ERBB4: variants seen among roughly 807,000 people sequenced by gnomAD.
ERBB4 encodes erb-b2 receptor tyrosine kinase 4.
A neutral mutation model predicts 158.0 loss-of-function variants in ERBB4; 42 were observed. The ratio of observed to expected loss-of-function variants is 0.27; its 90% CI spans 0.21 to 0.34. The LOEUF (loss-of-function observed/expected upper bound fraction) is 0.34, where lower values mean the gene tolerates loss of function less well. Among genes scored for constraint, ERBB4 ranks in the 10% least tolerant of loss-of-function variants. The pLI is 1.00. For missense variants in ERBB4, 1,333 were observed against 1,624.1 expected (o/e 0.82, Z 3.08); for synonymous variants, 583 against 558.7 (o/e 1.04, Z -0.61).
At chr2:211,413,402 G>T (rs1380340145) in intron 25 of ERBB4, among the ~76,000 whole-genome samples, 1 of 147,980 alleles carries the variant, frequency 6.8e-6, no homozygotes, top group Non-Finnish European at 1.5e-5. Flanking sequence ...CTTGTCATAG[G>T]GAGGATCTTA....
chr2:212,018,445 A>G (rs1450445225), intron 2 of ERBB4, among the ~76,000 whole-genome samples: 1 of 152,206 alleles, frequency 6.6e-6, no homozygotes, highest in Non-Finnish European at 1.5e-5. Flanking sequence ...GAGTGAGAAA[A>G]TATTCTACCT....
chr2:212,246,192 T>A (rs1471972151), intron 1 of ERBB4, among the ~76,000 whole-genome samples: 1 of 152,206 alleles, frequency 6.6e-6, no homozygotes, highest in East Asian at 1.9e-4. Context: ...AATGCAACAG[T>A]CAAATAAATT....
chr2:211,629,204 G>A (rs1014717242), intron 17 of ERBB4, among the ~76,000 whole-genome samples: 12 of 152,034 alleles, frequency 7.9e-5, no homozygotes, highest in Non-Finnish European at 2.9e-5. Context: ...AAAGTCTCAG[G>A]ATACAAAATC....
At chr2:212,487,298 A>C (rs538561159) in intron 1 of ERBB4, among the ~76,000 whole-genome samples, 10,778 of 152,054 alleles carry the variant, frequency 0.071, 531 homozygotes, top group African/African-American at 0.14. Flanking sequence ...ATACCAAATA[A>C]TTTTTCCATT....
chr2:211,553,970 C>T (rs1259638315), intron 20 of ERBB4, among the ~76,000 whole-genome samples: 1 of 152,146 alleles, frequency 6.6e-6, no homozygotes, highest in Non-Finnish European at 1.5e-5. Context: ...CCTGAAAATG[C>T]GGCATAGATG....
chr2:211,950,922 T>A (rs1366763917), intron 2 of ERBB4, among the ~76,000 whole-genome samples: 1 of 152,208 alleles, frequency 6.6e-6, no homozygotes, highest in East Asian at 1.9e-4. Context: ...CCTCTTTGAA[T>A]GCCCTTATCT....
intron 3 of ERBB4, among the ~76,000 whole-genome samples, chr2:211,836,479 C>T (rs1298772892): frequency 2.0e-5 from 3 of 152,042 alleles, no homozygotes; most frequent in Non-Finnish European, 2.9e-5. Context: ...GAGATTTAGG[C>T]ATCCAAAATT....
chr2:211,492,814 C>T (rs563028009), intron 20 of ERBB4, among the ~76,000 whole-genome samples: 19 of 152,194 alleles, frequency 1.2e-4, no homozygotes, highest in African/African-American at 4.3e-4. Flanking sequence ...TCAAGCTGTT[C>T]TAATCAGATC....
At chr2:211,859,908 T>TA (rs2077969122) in intron 3 of ERBB4, among the ~76,000 whole-genome samples, 1 of 152,208 alleles carries the variant, frequency 6.6e-6, no homozygotes, top group Non-Finnish European at 1.5e-5. Context: ...TTCCTATTTC[T>TA]GGTAGAAAAA....
intron 2 of ERBB4, among the ~76,000 whole-genome samples, chr2:212,081,525 T>C (rs2078442731): frequency 6.6e-6 from 1 of 152,108 alleles, no homozygotes. Context: ...TCTTTTTGCC[T>C]TCTGAGTGGT....
rs1285833896 is a variant in ERBB4 at position 212,113,856 on chromosome 2, T to G, written c.234+10896A>C. Among the ~76,000 whole-genome samples, 3 of 152,150 alleles carry G rather than the reference T, an allele frequency of 2.0e-5. No homozygotes were observed. The East Asian group carries it at 5.8e-4, about 29-fold the overall frequency. On this transcript the variant is annotated intron_variant, in intron 2 of 27. Coordinates refer to ENST00000342788, the MANE Select transcript of ERBB4 (RefSeq NM_005235.3). ...CCAAATCATTTCATAGGCTGTAAGA[T>G]GAAAGGTACTACAGATTCTGCAAGA... is the stretch of plus-strand genomic sequence containing the variant.
At chr2:212,022,116 A>C (rs569542813) in intron 2 of ERBB4, among the ~76,000 whole-genome samples, 7 of 152,248 alleles carry the variant, frequency 4.6e-5, no homozygotes, top group African/African-American at 1.7e-4. Context: ...CAGTGTGGCA[A>C]TTCCTCAAAT....
At chr2:212,064,513 C>A (rs952980673) in intron 2 of ERBB4, among the ~76,000 whole-genome samples, 1 of 152,120 alleles carries the variant, frequency 6.6e-6, no homozygotes, top group African/African-American at 2.4e-5. Flanking sequence ...ATACTCCACT[C>A]GGCCTTCTGG....
intron 1 of ERBB4, among the ~76,000 whole-genome samples, chr2:212,259,424 C>T (rs1173766070): frequency 6.6e-6 from 1 of 152,126 alleles, no homozygotes; most frequent in Non-Finnish European, 1.5e-5. Context: ...CTTGTTTAAA[C>T]AATGACTTCT....
intron 1 of ERBB4, among the ~76,000 whole-genome samples, chr2:212,289,439 T>C (rs900310871): frequency 1.3e-5 from 2 of 152,206 alleles, no homozygotes; most frequent in African/African-American, 4.8e-5. Flanking sequence ...TTAATCCAGA[T>C]TTTATAATTG....
chr2:211,618,443 A>G (rs1040926812), intron 19 of ERBB4, among the ~76,000 whole-genome samples: 1 of 152,034 alleles, frequency 6.6e-6, no homozygotes, highest in Admixed American at 6.6e-5. Context: ...TTCCTACCAA[A>G]AAGAGCAGAG....
chr2:211,981,094 A>G (rs972882114), intron 2 of ERBB4, among the ~76,000 whole-genome samples: 1 of 149,552 alleles, frequency 6.7e-6, no homozygotes, highest in Non-Finnish European at 1.5e-5. Flanking sequence ...AATATTATCT[A>G]CAGAAACCAC....
chr2:211,425,363 A>T (rs1263955646), intron 22 of ERBB4, among the ~76,000 whole-genome samples: 2,126 of 120,362 alleles, frequency 0.018, 54 homozygotes, highest in African/African-American at 0.12. Flanking sequence ...AAAATATAAA[A>T]CTATGTGGAA....
chr2:211,915,374 C>T (rs890070997), intron 3 of ERBB4, among the ~76,000 whole-genome samples: 1 of 151,496 alleles, frequency 6.6e-6, no homozygotes, highest in East Asian at 1.9e-4. Flanking sequence ...TTTCATCCTG[C>T]TTTAGATTTT....
Sources: allele counts gnomAD v4.1 joint callset (sites outside exome capture counted in the v4.1 genomes callset), GRCh38; gene constraint gnomAD v4.1.1; transcripts MANE v1.5; gene names NCBI Gene and HGNC (gene_info 2026-07-23, HGNC 2026-07-21).